Variants in ESRRG observed in about 807,000 individuals in gnomAD.
The protein encoded by ESRRG is estrogen-related receptor gamma.
In ESRRG, 13 loss-of-function variants were observed where a neutral mutation model predicts 44.0. The observed-to-expected ratio is 0.30, with a 90% CI of 0.19 to 0.47. ESRRG has a LOEUF of 0.47. Among genes scored for constraint, ESRRG ranks in the 20% least tolerant of loss-of-function variants. The pLI is 1.00. For missense variants in ESRRG, 395 were observed against 580.6 expected (o/e 0.68, Z 3.29); for synonymous variants, 215 against 214.6 (o/e 1.00, Z -0.02).
chr1:217,116,070 T>C (rs2092722570), intron 1 of ESRRG, among the ~76,000 whole-genome samples: 1 of 152,182 alleles, frequency 6.6e-6, no homozygotes, highest in African/African-American at 2.4e-5. Context: ...GGGAAAACAA[T>C]AAAAGATTTA....
chr1:216,940,484 G>T (rs1468866378), intron 1 of ESRRG, among the ~76,000 whole-genome samples: 1 of 152,216 alleles, frequency 6.6e-6, no homozygotes, highest in Non-Finnish European at 1.5e-5. Context: ...GGTGAGAAGG[G>T]AGAAGAGAAG....
chr1:216,661,947 A>G (rs774386234), intron 2 of ESRRG, among the ~76,000 whole-genome samples: 1 of 152,008 alleles, frequency 6.6e-6, no homozygotes, highest in African/African-American at 2.4e-5. Context: ...TTGTTCTACC[A>G]TTTTCCGTGT....
rs1262029469 is a variant in ESRRG, at chr1:216,662,362, A to G, written c.473-11273T>C. Among the ~76,000 whole-genome samples, 3 of 152,292 alleles carry G rather than the reference A, an allele frequency of 2.0e-5. No individual in the cohort carries two copies. The Middle Eastern group carries it at 0.01, about 518-fold the overall frequency. On this transcript the variant is annotated intron_variant, in intron 2 of 6. Coordinates refer to ENST00000408911, the MANE Select transcript of ESRRG (RefSeq NM_001438.4). The stretch of plus-strand genomic sequence containing the variant: ...CAACCAAAGAGTATGCCATGGACTC[A>G]GTCATAAAAGAAGGTAAAACATTCA...
chr1:216,853,283 A>G (rs2095868468), intron 2 of ESRRG, among the ~76,000 whole-genome samples: 2 of 152,190 alleles, frequency 1.3e-5, no homozygotes, highest in Non-Finnish European at 2.9e-5. Context: ...AGTAGATCCT[A>G]TGCCTTTATC....
chr1:216,623,199 C>T (rs1203170709), intron 3 of ESRRG, among the ~76,000 whole-genome samples: 1 of 149,968 alleles, frequency 6.7e-6, no homozygotes, highest in East Asian at 2.0e-4. Flanking sequence ...TCTCCTGCCT[C>T]AGCCTCCCGA....
chr1:216,537,760 A>G lies in ESRRG; in HGVS notation c.863-18339T>C, dbSNP rs561854940. On this transcript the variant is annotated intron_variant, in intron 5 of 6. Coordinates refer to ENST00000408911, the MANE Select transcript of ESRRG (RefSeq NM_001438.4). ...ACTAAAACCTTATGGAGAACACATT[A>G]TTCTCTTTGCCACTTTACATTTGAG... 5.9e-5 allele frequency among the ~76,000 whole-genome samples: 9 copies of G among 152,226 alleles called. No homozygotes were observed. In the East Asian group the frequency reaches 1.7e-3, roughly 30 times the overall value.
chr1:216,711,351 C>T (rs1372889493), intron 1 of ESRRG, among the ~76,000 whole-genome samples: 2 of 152,200 alleles, frequency 1.3e-5, no homozygotes, highest in African/African-American at 4.8e-5. Context: ...GCCCACACCA[C>T]AGCGGTGCAC....
chr1:216,856,550 T>G (rs1400112160), intron 2 of ESRRG, among the ~76,000 whole-genome samples: 1 of 152,212 alleles, frequency 6.6e-6, no homozygotes, highest in Admixed American at 6.5e-5. Context: ...AATCCACTCC[T>G]TATTGAAAGT....
intron 1 of ESRRG, among the ~76,000 whole-genome samples, chr1:217,085,400 C>T (rs750522157): frequency 7.4e-5 from 11 of 149,418 alleles, no homozygotes; most frequent in East Asian, 2.0e-4. Flanking sequence ...ATACAAACGT[C>T]GTATTATAGA....
chr1:216,756,287 AT>A (rs775948333), intron 2 of ESRRG, among the ~76,000 whole-genome samples: 3 of 151,996 alleles, frequency 2.0e-5, no homozygotes, highest in Non-Finnish European at 4.4e-5. Flanking sequence ...TTCTTTTTGT[AT>A]TCTAGGATAT....
intron 5 of ESRRG, among the ~76,000 whole-genome samples, chr1:216,554,703 A>G (rs2057155853): frequency 6.6e-6 from 1 of 152,166 alleles, no homozygotes; most frequent in Admixed American, 6.5e-5. Context: ...GTCAGTTAGT[A>G]CAACTTTCCT....
chr1:217,085,341 A>G (rs1038087883), intron 1 of ESRRG, among the ~76,000 whole-genome samples: 1 of 152,112 alleles, frequency 6.6e-6, no homozygotes. Context: ...TCTTAAAAGA[A>G]GGCCCCGTGG....
At chr1:217,026,136 A>G (rs1469183276) in intron 1 of ESRRG, among the ~76,000 whole-genome samples, 1 of 151,962 alleles carries the variant, frequency 6.6e-6, no homozygotes, top group Non-Finnish European at 1.5e-5. Context: ...GCCCCACACA[A>G]CTTTCTGCAA....
intron 1 of ESRRG, among the ~76,000 whole-genome samples, chr1:216,955,374 AT>A (rs34356402): frequency 5.3e-5 from 8 of 151,956 alleles, no homozygotes; most frequent in African/African-American, 1.9e-4. Context: ...CAAAAATCTC[AT>A]TTTTTTTTAT....
chr1:217,036,311 G>C (rs1403094532), intron 1 of ESRRG, among the ~76,000 whole-genome samples: 1 of 152,064 alleles, frequency 6.6e-6, no homozygotes, highest in African/African-American at 2.4e-5. Flanking sequence ...CCATTACTTG[G>C]TATATACCCA....
chr1:216,909,871 C>T (rs1444393706), intron 2 of ESRRG, among the ~76,000 whole-genome samples: 1 of 151,964 alleles, frequency 6.6e-6, no homozygotes, highest in African/African-American at 2.4e-5. Flanking sequence ...AAACTAGCAC[C>T]ATTAATAACA....
chr1:216,637,522 C>G (rs1258354261), intron 3 of ESRRG, among the ~76,000 whole-genome samples: 1 of 152,136 alleles, frequency 6.6e-6, no homozygotes, highest in Non-Finnish European at 1.5e-5. Flanking sequence ...GGATATTTCA[C>G]CTTTTGACAC....
intron 1 of ESRRG, among the ~76,000 whole-genome samples, chr1:217,113,062 A>G (rs998208949): frequency 2.0e-5 from 3 of 152,244 alleles, no homozygotes; most frequent in African/African-American, 4.8e-5. Context: ...TTGATAGAAG[A>G]GCTGCCCACT....
chr1:216,943,325 T>A (rs1185472144), intron 1 of ESRRG, among the ~76,000 whole-genome samples: 1 of 152,158 alleles, frequency 6.6e-6, no homozygotes, highest in African/African-American at 2.4e-5. Flanking sequence ...ATCCCTACCA[T>A]CACCCTCTAC....
Sources: gnomAD v4.1 joint callset for allele counts (sites outside exome capture counted in the v4.1 genomes callset) on GRCh38, gnomAD v4.1.1 for gene constraint, MANE v1.5 for transcripts, NCBI Gene and HGNC (gene_info 2026-07-23, HGNC 2026-07-21) for gene names.